Variants in SLC35D1 observed in about 807,000 individuals in gnomAD.
SLC35D1 encodes the protein nucleotide sugar transporter SLC35D1.
Under a neutral mutation model 46.7 loss-of-function variants are expected in SLC35D1, and 31 were observed. That is an observed-to-expected ratio of 0.66 (90% CI 0.50 to 0.90). SLC35D1 has a LOEUF of 0.90. Ranked by LOEUF, SLC35D1 falls within the 40% of genes least tolerant of loss-of-function variation. The probability of loss-of-function intolerance (pLI) is 0.00; values close to 1 mark genes in which losing one functional copy is unlikely to be tolerated. For synonymous variants in SLC35D1, 195 were observed against 164.6 expected (o/e 1.18, Z -1.41); for missense variants, 397 against 426.2 (o/e 0.93, Z 0.60).
At chr1:66,978,113 T>G in the SLC35D1 span, among the ~76,000 whole-genome samples, 4 of 151,782 alleles carry the variant, frequency 2.6e-5, no homozygotes, top group African/African-American at 9.7e-5. Flanking sequence ...GAAGAATTGC[T>G]TGAACCCAGG....
intron 4 of SLC35D1, among the ~76,000 whole-genome samples, chr1:67,051,115 C>T (rs1262416769): frequency 6.6e-6 from 1 of 152,170 alleles, no homozygotes; most frequent in Non-Finnish European, 1.5e-5. Context: ...TTGCAGAAGG[C>T]CTGCATTTCT....
intron 8 of SLC35D1, among the ~76,000 whole-genome samples, chr1:67,022,535 T>G (rs1252668188): frequency 6.6e-6 from 1 of 152,198 alleles, no homozygotes; most frequent in African/African-American, 2.4e-5. Flanking sequence ...CTCCTTCCTT[T>G]GTGCCTCAGT....
At chr1:66,981,829 G>A in the SLC35D1 span, 6 of 1,613,966 alleles carry the variant, frequency 3.7e-6, no homozygotes, top group South Asian at 2.2e-5. Flanking sequence ...GCATCTAGTC[G>A]AGCACCATCC....
chr1:67,030,205 T>C (rs2102309777), intron 8 of SLC35D1, among the ~76,000 whole-genome samples: 1 of 152,340 alleles, frequency 6.6e-6, no homozygotes, highest in Non-Finnish European at 1.5e-5. Context: ...AAAGGAGAAC[T>C]GCATGGGTAT....
intron 7 of SLC35D1, among the ~76,000 whole-genome samples, chr1:67,043,616 A>G (rs1645219049): frequency 6.6e-6 from 1 of 152,220 alleles, no homozygotes; most frequent in Non-Finnish European, 1.5e-5. Flanking sequence ...ATGCAGACTC[A>G]GGCCTAGACC....
the SLC35D1 span, chr1:66,973,052 T>G: frequency 1.2e-6 from 1 of 866,750 alleles, no homozygotes; most frequent in Non-Finnish European, 1.9e-6. Flanking sequence ...CAAATGGTCA[T>G]GTATCGTAAT....
At chr1:67,049,896 C>T in intron 5 of SLC35D1, 46 bp from the exon 6 acceptor site, 4 of 1,385,902 alleles carry the variant, frequency 2.9e-6, no homozygotes, top group South Asian at 2.4e-5. Context: ...TTTATTCCCA[C>T]ACTCATTTTA....
chr1:67,047,133 A>G (rs1430502538), intron 7 of SLC35D1, 132 bp downstream of exon 7: 1 of 694,820 alleles, frequency 1.4e-6, no homozygotes, highest in African/African-American at 1.8e-5. Flanking sequence ...AAAGTACAGG[A>G]ATTTTACCCT....
intron 11 of SLC35D1, among the ~76,000 whole-genome samples, chr1:67,006,230 G>A (rs1307562317): frequency 6.6e-6 from 1 of 152,034 alleles, no homozygotes; most frequent in East Asian, 1.9e-4. Context: ...AATTTTTTCT[G>A]GAATTTGATA....
intron 9 of SLC35D1, 84 bp from the exon 10 acceptor site, chr1:67,020,531 C>A: frequency 1.0e-6 from 1 of 958,344 alleles, no homozygotes. Context: ...GTTGGCCAAG[C>A]CAGCACATTC....
the SLC35D1 span, chr1:66,987,762 A>AATAC: frequency 6.6e-6 from 1 of 151,708 alleles, no homozygotes; most frequent in Admixed American, 6.6e-5. Context: ...TGACAAGGCA[A>AATAC]ATATATATAT....
chr1:67,017,689 A>G (rs2815353), intron 10 of SLC35D1, among the ~76,000 whole-genome samples: 117,916 of 152,096 alleles, frequency 0.78, 46,000 homozygotes, highest in South Asian at 0.88. Flanking sequence ...TACTCCAGAC[A>G]TTAACCTTGG....
intron 8 of SLC35D1, among the ~76,000 whole-genome samples, chr1:67,041,344 G>T (rs190829363): frequency 1.8e-4 from 27 of 152,278 alleles, no homozygotes; most frequent in African/African-American, 6.0e-4. Flanking sequence ...GTATGATGGG[G>T]GGTGGGAAAC....
intron 8 of SLC35D1, 142 bp from the exon 9 acceptor site, chr1:67,021,744 C>G (rs1667809726): frequency 2.8e-6 from 2 of 712,824 alleles, no homozygotes; most frequent in East Asian, 5.6e-5. Flanking sequence ...CACACACACA[C>G]ACACACACAC....
chr1:66,988,870 A>AT, the SLC35D1 span, among the ~76,000 whole-genome samples: 1 of 152,230 alleles, frequency 6.6e-6, no homozygotes, highest in Non-Finnish European at 1.5e-5. Context: ...GAGATGCGGC[A>AT]TGCCCTGTTC....
chr1:66,987,968 G>GTAT, the SLC35D1 span: 1 of 152,062 alleles, frequency 6.6e-6, no homozygotes, highest in South Asian at 2.1e-4. Context: ...ATGTGTTCCC[G>GTAT]TATTTTGTAG....
Position 67,000,349 on chromosome 1 carries a change from A to G in SLC35D1, c.*3991T>C, listed in dbSNP as rs1048595681. ...AGGGGGAAGAAAATAATTTTCCTTTATTAAAATGTACTGTCACAATATAAA... is the reference window on the plus strand; with the variant it reads ...AGGGGGAAGAAAATAATTTTCCTTTGTTAAAATGTACTGTCACAATATAAA... On this transcript the variant is annotated 3_prime_UTR_variant, in exon 12 of 12. Transcript: ENST00000235345. The G allele has an allele frequency of 4.9e-5, 7 of 143,840 alleles. No homozygotes were observed. The highest frequency in any genetic ancestry group is 1.8e-4 in the African/African-American group (7 of 38,416). The allele number at this position is 143,840 out of a possible 1,614,324, so 8.9% of individuals were successfully genotyped here.
chr1:66,991,717 A>C, the SLC35D1 span, among the ~76,000 whole-genome samples: 1 of 152,006 alleles, frequency 6.6e-6, no homozygotes, highest in African/African-American at 2.4e-5. Flanking sequence ...TATATCTCCT[A>C]TTGTTCCTCC....
intron 8 of SLC35D1, among the ~76,000 whole-genome samples, chr1:67,036,435 A>G (rs956143386): frequency 4.6e-5 from 7 of 152,078 alleles, no homozygotes; most frequent in African/African-American, 1.7e-4. Flanking sequence ...ATGTATATTA[A>G]CTTAAAATAT....
Sources: gnomAD v4.1 joint callset for allele counts (sites outside exome capture counted in the v4.1 genomes callset) on GRCh38, gnomAD v4.1.1 for gene constraint, MANE v1.5 for transcripts, NCBI Gene and HGNC (gene_info 2026-07-23, HGNC 2026-07-21) for gene names.